SIL1: variants seen among roughly 807,000 people sequenced by gnomAD.
SIL1 encodes the protein SIL1 nucleotide exchange factor.
SIL1 carries 40 observed loss-of-function variants against 49.1 expected under a neutral mutation model. The ratio of observed to expected loss-of-function variants is 0.81; its 90% CI spans 0.63 to 1.06. The LOEUF (loss-of-function observed/expected upper bound fraction) is 1.06, where lower values mean the gene tolerates loss of function less well. SIL1 is among the 50% of genes least tolerant of loss of function. The pLI is 0.00. For missense variants in SIL1, 500 were observed against 572.6 expected (o/e 0.87, Z 1.29); for synonymous variants, 253 against 250.8 (o/e 1.01, Z -0.08).
In SIL1 at chr5:138,947,510, G is replaced by C; in HGVS notation, c.1030-37C>G. 1 of 1,587,416 alleles carries C rather than the reference G, an allele frequency of 6.3e-7. No homozygotes were observed. The highest frequency in any genetic ancestry group is 8.6e-7 in the Non-Finnish European group (1 of 1,156,600). On this transcript the variant is annotated intron_variant, in intron 9 of 9. Transcript: ENST00000394817. This position sits in a 1 kb window ranked among gnomAD's most constrained non-coding sequence, Gnocchi z 4.1. ...CACAGCCGCAGGCCAGGTAGGGTGG[G>C]GGTGGGGAGAGAACACACAGGGAGC...
chr5:138,983,463 G>A (rs1406325946), intron 7 of SIL1, among the ~76,000 whole-genome samples: 3 of 149,426 alleles, frequency 2.0e-5, no homozygotes, highest in Non-Finnish European at 4.5e-5. Flanking sequence ...AGCCGAGATC[G>A]CGCCACTGCA....
At chr5:139,083,937 A>T (rs1235737887) in intron 3 of SIL1, among the ~76,000 whole-genome samples, 7 of 93,524 alleles carry the variant, frequency 7.5e-5, no homozygotes, top group Admixed American at 7.1e-4. Context: ...TTAAATAGGG[A>T]ATCCTTTCCC....
At chr5:139,166,819 T>C (rs545634934) in intron 1 of SIL1, among the ~76,000 whole-genome samples, 1 of 150,634 alleles carries the variant, frequency 6.6e-6, no homozygotes, top group Non-Finnish European at 1.5e-5. Context: ...AATGTTTTTG[T>C]TTTTTTTGAG....
intron 3 of SIL1, among the ~76,000 whole-genome samples, chr5:139,078,166 A>G (rs574003903): frequency 6.6e-6 from 1 of 152,300 alleles, no homozygotes; most frequent in Non-Finnish European, 1.5e-5. Flanking sequence ...ACAAAGGGCT[A>G]AGCCTGGTGG....
intron 3 of SIL1, among the ~76,000 whole-genome samples, chr5:139,087,563 G>GA (rs1413339390): frequency 2.0e-5 from 3 of 152,060 alleles, no homozygotes; most frequent in African/African-American, 7.2e-5. Flanking sequence ...AAAATAAGAT[G>GA]ACTGCTGATG....
chr5:139,187,657 G>A (rs1245519695), intron 1 of SIL1: 3 of 54,776 alleles, frequency 5.5e-5, no homozygotes, highest in Admixed American at 5.2e-4. Context: ...GTGATGGTAC[G>A]GACATATTAA....
At chr5:139,152,589 C>G (rs964434928) in intron 1 of SIL1, among the ~76,000 whole-genome samples, 7 of 150,856 alleles carry the variant, frequency 4.6e-5, no homozygotes, top group African/African-American at 1.7e-4. Flanking sequence ...CCACTACACT[C>G]CAGCCTGGGT....
chr5:139,024,828 G>T (rs1381423697), intron 6 of SIL1, among the ~76,000 whole-genome samples: 2 of 152,104 alleles, frequency 1.3e-5, no homozygotes, highest in Non-Finnish European at 2.9e-5. Context: ...CTTTTCCATG[G>T]CCTACAGGCC....
In SIL1 at chr5:139,196,914, T is replaced by G. The variant is rs149511532; in HGVS notation, c.-11+1355A>C. ...TTATCAGAAAAGAAAAAAACTTGGG[T>G]GGGGTGAGAGCAGAAAAGACACACA... On this transcript the variant is annotated intron_variant, in intron 1 of 9. Transcript: ENST00000394817. Among the ~76,000 whole-genome samples, 453 of 151,602 alleles carry G rather than the reference T, an allele frequency of 3.0e-3. 1 individual carries two copies. The highest frequency in any genetic ancestry group is 0.01 in the African/African-American group (422 of 41,294).
At chr5:139,091,023 A>T (rs1003404821) in intron 3 of SIL1, among the ~76,000 whole-genome samples, 1 of 152,230 alleles carries the variant, frequency 6.6e-6, no homozygotes, top group African/African-American at 2.4e-5. Context: ...AACAAATTAA[A>T]TCTTTAAATA....
At chr5:139,042,845 A>T in intron 4 of SIL1, 126 bp from the exon 5 acceptor site, 2 of 863,034 alleles carry the variant, frequency 2.3e-6, no homozygotes, top group Non-Finnish European at 3.9e-6. Flanking sequence ...CAAAAAATTT[A>T]AAAATATTAG....
At chr5:139,091,286 A>G (rs1185879977) in intron 3 of SIL1, among the ~76,000 whole-genome samples, 2 of 152,164 alleles carry the variant, frequency 1.3e-5, no homozygotes, top group Non-Finnish European at 2.9e-5. Flanking sequence ...CAAATGTCAA[A>G]CTAGGTAAAG....
chr5:139,056,537 G>A lies in SIL1; in HGVS notation c.245-5491C>T, dbSNP rs1353745033. ...CCCGCCAGGCCAGCCGCCCCGTCCG[G>A]GAGGGAGGTGGGGGGGTCAGCCCCC... is the stretch of plus-strand genomic sequence containing the variant. On this transcript the variant is annotated intron_variant, in intron 3 of 9. Transcript: ENST00000394817. 7.0e-4 allele frequency among the ~76,000 whole-genome samples: 106 copies of A among 150,484 alleles called. 1 individual carries two copies. Among genetic ancestry groups the A allele is most frequent in the African/African-American group, 2.4e-3 (100 of 40,914 alleles).
intron 3 of SIL1, among the ~76,000 whole-genome samples, chr5:139,111,139 C>T (rs1770829613): frequency 6.6e-6 from 1 of 152,208 alleles, no homozygotes; most frequent in South Asian, 2.1e-4. Flanking sequence ...AGTAGTTCTT[C>T]CCAACCTTCC....
intron 3 of SIL1, among the ~76,000 whole-genome samples, chr5:139,091,231 T>C (rs1481881378): frequency 6.6e-6 from 1 of 151,988 alleles, no homozygotes; most frequent in Non-Finnish European, 1.5e-5. Flanking sequence ...TAAAAAGTTT[T>C]ATAAAAAATA....
At chr5:139,188,587 G>C (rs1752115846) in intron 1 of SIL1, among the ~76,000 whole-genome samples, 1 of 152,202 alleles carries the variant, frequency 6.6e-6, no homozygotes, top group Non-Finnish European at 1.5e-5. Context: ...ACATCTCAAA[G>C]AGAGAGACAG....
At chr5:139,100,064 G>A (rs1404428816) in intron 3 of SIL1, among the ~76,000 whole-genome samples, 5 of 152,140 alleles carry the variant, frequency 3.3e-5, no homozygotes, top group Non-Finnish European at 5.9e-5. Flanking sequence ...CACCTATAAT[G>A]TATGCACAAA....
chr5:138,947,025 C>T lies in SIL1; in HGVS notation c.*92G>A, dbSNP rs1766643762. ...TTTCCATTTAATGGCCAAGCCAGCACTGCCAAGATGTCCTCCTGCCTGAGA... is the reference window on the plus strand; with the variant it reads ...TTTCCATTTAATGGCCAAGCCAGCATTGCCAAGATGTCCTCCTGCCTGAGA... On this transcript the variant is annotated 3_prime_UTR_variant, in exon 10 of 10. Coordinates refer to ENST00000394817, the MANE Select transcript of SIL1 (RefSeq NM_022464.5). The surrounding 1 kb of genome is among the most constrained non-coding windows in gnomAD (Gnocchi z 4.1). 2 of 963,616 alleles carry T rather than the reference C, an allele frequency of 2.1e-6. No homozygotes were observed. Among genetic ancestry groups the T allele is most frequent in the Non-Finnish European group, 3.3e-6 (2 of 609,560 alleles). 59.7% of individuals were successfully genotyped at this position (963,616 alleles called of 1,614,324 possible). A position where few individuals can be genotyped will look rare whatever the true frequency, so the allele number is the denominator to read the frequency against.
At chr5:139,110,440 C>G (rs1770816985) in intron 3 of SIL1, among the ~76,000 whole-genome samples, 1 of 152,160 alleles carries the variant, frequency 6.6e-6, no homozygotes, top group Non-Finnish European at 1.5e-5. Flanking sequence ...TTCTTCCAAA[C>G]AGCTGCATTA....
Sources: gnomAD v4.1 joint callset for allele counts (sites outside exome capture counted in the v4.1 genomes callset) on GRCh38, gnomAD v4.1.1 for gene constraint, Gnocchi (gnomAD v3.1) non-coding constraint, MANE v1.5 for transcripts, NCBI Gene and HGNC (gene_info 2026-07-23, HGNC 2026-07-21) for gene names.